Variants in FRMD4A observed in about 807,000 individuals in gnomAD.
The protein encoded by FRMD4A is FERM domain-containing protein 4A.
A neutral mutation model predicts 129.1 loss-of-function variants in FRMD4A; 29 were observed. That is an observed-to-expected ratio of 0.22 (90% confidence interval 0.17 to 0.31). The LOEUF (loss-of-function observed/expected upper bound fraction) is 0.31. Ranked by LOEUF, FRMD4A falls within the 10% of genes least tolerant of loss-of-function variation. The pLI is 1.00. For synonymous variants in FRMD4A, 634 were observed against 571.6 expected (o/e 1.11, Z -1.56); for missense variants, 1,272 against 1,375.8 (o/e 0.92, Z 1.19).
chr10:13,965,263 T>C (rs1056669713), intron 2 of FRMD4A, among the ~76,000 whole-genome samples: 1 of 152,098 alleles, frequency 6.6e-6, no homozygotes, highest in Non-Finnish European at 1.5e-5. Context: ...CATGAAGGAC[T>C]AGAGATCTTA....
At chr10:13,835,552 A>G (rs2093860170) in intron 3 of FRMD4A, among the ~76,000 whole-genome samples, 1 of 152,096 alleles carries the variant, frequency 6.6e-6, no homozygotes, top group Admixed American at 6.6e-5. Context: ...ACCTCCCTTC[A>G]GATCAGTGGT....
Position 13,644,414 on chromosome 10 carries a change from G to T in FRMD4A, c.*2624C>A, listed in dbSNP as rs559532567. The T allele has an allele frequency of 6.6e-6, 1 of 152,208 alleles. No homozygotes were observed. The highest frequency in any genetic ancestry group is 2.4e-5 in the African/African-American group (1 of 41,446). The allele number at this position is 152,208 out of a possible 1,614,324, so 9.4% of individuals were successfully genotyped here. A position where few individuals can be genotyped will look rare whatever the true frequency, so the allele number is the denominator to read the frequency against. On this transcript the variant is annotated 3_prime_UTR_variant, in exon 25 of 25. Transcript: ENST00000357447. ...AGGACTAACGTTTTATGTACATTTTGTATTAACTGAACTCAGCTAAACAGT... is the reference window on the plus strand; with the variant it reads ...AGGACTAACGTTTTATGTACATTTTTTATTAACTGAACTCAGCTAAACAGT...
chr10:13,843,166 A>C (rs2093993594), intron 3 of FRMD4A, among the ~76,000 whole-genome samples: 1 of 152,186 alleles, frequency 6.6e-6, no homozygotes, highest in Non-Finnish European at 1.5e-5. Flanking sequence ...TGCAGGCTCC[A>C]GACAGCCTAT....
chr10:14,201,358 G>A (rs1480442626), intron 2 of FRMD4A, among the ~76,000 whole-genome samples: 1 of 152,106 alleles, frequency 6.6e-6, no homozygotes, highest in African/African-American at 2.4e-5. Flanking sequence ...AACTGGCGTC[G>A]GTTCCATCTC....
chr10:13,693,686 T>A, intron 15 of FRMD4A: 1 of 120,076 alleles, frequency 8.3e-6, no homozygotes, highest in Non-Finnish European at 1.5e-5. Flanking sequence ...CTACTGATGC[T>A]TTTTTTTTTT....
chr10:13,718,668 T>C (rs2089113520), intron 12 of FRMD4A, among the ~76,000 whole-genome samples: 1 of 152,174 alleles, frequency 6.6e-6, no homozygotes, highest in Non-Finnish European at 1.5e-5. Flanking sequence ...GGAAACTGAA[T>C]TGTGGGGAAG....
intron 2 of FRMD4A, among the ~76,000 whole-genome samples, chr10:13,978,509 A>G (rs1319489104): frequency 2.7e-5 from 4 of 148,676 alleles, no homozygotes; most frequent in East Asian, 1.9e-4. Context: ...ACTTCCTTGG[A>G]AAAAAAAATG....
intron 3 of FRMD4A, among the ~76,000 whole-genome samples, chr10:13,829,881 C>T (rs1051471416): frequency 1.3e-5 from 2 of 152,232 alleles, no homozygotes; most frequent in African/African-American, 2.4e-5. Context: ...CAAAATAAAT[C>T]GGGGGCCTGG....
chr10:13,889,904 C>T (rs2094674634), intron 2 of FRMD4A, among the ~76,000 whole-genome samples: 1 of 152,186 alleles, frequency 6.6e-6, no homozygotes, highest in Non-Finnish European at 1.5e-5. Context: ...CAAATATTGC[C>T]TCCAATTAAA....
chr10:14,041,977 G>C (rs371175006), intron 2 of FRMD4A, among the ~76,000 whole-genome samples: 1 of 152,204 alleles, frequency 6.6e-6, no homozygotes, highest in Non-Finnish European at 1.5e-5. Flanking sequence ...TCTACTGCAA[G>C]ATCCTTATTC....
At chr10:14,306,459 C>G (rs926885169) in intron 2 of FRMD4A, among the ~76,000 whole-genome samples, 2 of 152,208 alleles carry the variant, frequency 1.3e-5, no homozygotes, top group Admixed American at 6.5e-5. Flanking sequence ...CAGCAAACAG[C>G]TGAGCAAACT....
chr10:13,946,791 T>A (rs917420260), intron 2 of FRMD4A, among the ~76,000 whole-genome samples: 1 of 146,746 alleles, frequency 6.8e-6, no homozygotes, highest in Non-Finnish European at 1.6e-5. Context: ...TGTCTGTGTG[T>A]CTGTCTGTCT....
chr10:13,703,234 G>A (rs1055771428), intron 13 of FRMD4A, among the ~76,000 whole-genome samples: 1 of 152,052 alleles, frequency 6.6e-6, no homozygotes, highest in Non-Finnish European at 1.5e-5. Flanking sequence ...GTAGTTCCCC[G>A]GAGCATCTAA....
At chr10:13,707,365 T>C in intron 12 of FRMD4A, 1 of 1,190,960 alleles carries the variant, frequency 8.4e-7, no homozygotes, top group Non-Finnish European at 1.0e-6. Flanking sequence ...ACAAGTTCTT[T>C]TCAAGTTCTC....
rs2093743253 is a variant in FRMD4A, at chr10:13,828,739, T to C, written c.112-17831A>G. Among the ~76,000 whole-genome samples the C allele has an allele frequency of 2.6e-5, 4 of 152,010 alleles. No individual in the cohort carries two copies. The South Asian group carries it at 8.3e-4, about 32-fold the overall frequency. ...TAGAGACAGGGTTTCTCCATGTTGGTCAGGCTGCTCTTGAACTTCTGACCT... is the reference window on the plus strand; with the variant it reads ...TAGAGACAGGGTTTCTCCATGTTGGCCAGGCTGCTCTTGAACTTCTGACCT... On this transcript the variant is annotated intron_variant, in intron 3 of 24. Transcript: ENST00000357447.
intron 12 of FRMD4A, among the ~76,000 whole-genome samples, chr10:13,736,276 A>C (rs1174029768): frequency 1.3e-5 from 2 of 152,240 alleles, no homozygotes; most frequent in East Asian, 3.8e-4. Context: ...GGAAAAAGGC[A>C]CAGGGAAAAC....
intron 6 of FRMD4A, among the ~76,000 whole-genome samples, chr10:13,773,481 C>A (rs1278699041): frequency 6.6e-6 from 1 of 152,250 alleles, no homozygotes; most frequent in African/African-American, 2.4e-5. Context: ...CTCTGAGGAA[C>A]TGAATGGAAA....
intron 2 of FRMD4A, among the ~76,000 whole-genome samples, chr10:13,963,838 C>A (rs2095464112): frequency 6.6e-6 from 1 of 152,148 alleles, no homozygotes; most frequent in South Asian, 2.1e-4. Context: ...GCTCTGTGGT[C>A]TCCAGACAGC....
At chr10:14,283,435 A>C (rs1160926417) in intron 2 of FRMD4A, among the ~76,000 whole-genome samples, 1 of 152,082 alleles carries the variant, frequency 6.6e-6, no homozygotes, top group South Asian at 2.1e-4. Flanking sequence ...TTTACCCTCT[A>C]TATCCCTATA....
Sources: allele counts gnomAD v4.1 joint callset (sites outside exome capture counted in the v4.1 genomes callset), GRCh38; gene constraint gnomAD v4.1.1; transcripts MANE v1.5; gene names NCBI Gene and HGNC (gene_info 2026-07-23, HGNC 2026-07-21).